ARV1: variants seen among roughly 807,000 people sequenced by gnomAD.
ARV1 encodes protein ARV1.
ARV1 carries 26 observed loss-of-function variants against 31.1 expected under a neutral mutation model. The ratio of observed to expected loss-of-function variants is 0.84; its 90% CI spans 0.61 to 1.16. The LOEUF (loss-of-function observed/expected upper bound fraction) is 1.16. Ranked by LOEUF, ARV1 falls within the 50% of genes most tolerant of loss-of-function variation. The pLI is 0.00. For missense variants in ARV1, 281 were observed against 324.9 expected (o/e 0.86, Z 1.04); for synonymous variants, 117 against 123.2 (o/e 0.95, Z 0.34).
intron 4 of ARV1, 139 bp from the exon 5 acceptor site, chr1:230,996,982 A>C: frequency 1.0e-6 from 1 of 987,610 alleles, no homozygotes; most frequent in Non-Finnish European, 1.5e-6. Flanking sequence ...AAGTGGGAGA[A>C]GGTAACAGCA....
chr1:230,996,052 G>A (rs1485466086), intron 4 of ARV1, 68 bp downstream of exon 4: 1 of 1,369,854 alleles, frequency 7.3e-7, no homozygotes, highest in Non-Finnish European at 1.0e-6. Flanking sequence ...CTTGTTTCTG[G>A]GGTGCAGTTT....
At chr1:230,984,157 G>A (rs1006122865) in intron 1 of ARV1, among the ~76,000 whole-genome samples, 34 of 152,146 alleles carry the variant, frequency 2.2e-4, no homozygotes, top group Admixed American at 7.2e-4. Context: ...GGTTGAGGTG[G>A]GAGGATCACT....
chr1:230,991,226 T>G (rs918921758), intron 3 of ARV1, among the ~76,000 whole-genome samples: 1 of 152,228 alleles, frequency 6.6e-6, no homozygotes, highest in African/African-American at 2.4e-5. Context: ...TAATGAAATC[T>G]TACTTTAGTA....
At chr1:230,985,294 C>T (rs1436754441) in intron 1 of ARV1, among the ~76,000 whole-genome samples, 2 of 152,178 alleles carry the variant, frequency 1.3e-5, no homozygotes, top group African/African-American at 4.8e-5. Flanking sequence ...TTTCATATCA[C>T]CCTGTGCTTA....
At chr1:230,984,699 G>T (rs892797366) in intron 1 of ARV1, among the ~76,000 whole-genome samples, 1 of 152,190 alleles carries the variant, frequency 6.6e-6, no homozygotes, top group African/African-American at 2.4e-5. Flanking sequence ...GTAAAAACAT[G>T]CAAGAATCAA....
At chr1:230,979,437 T>C (rs41307676) in intron 1 of ARV1, 158 bp downstream of exon 1, 1 of 828,236 alleles carries the variant, frequency 1.2e-6, no homozygotes, top group Non-Finnish European at 1.8e-6. Context: ...AGAACTCAGC[T>C]ACCCGACAGC....
intron 4 of ARV1, 103 bp downstream of exon 4, chr1:230,996,087 A>T (rs970901283): frequency 1.2e-6 from 1 of 868,440 alleles, no homozygotes; most frequent in African/African-American, 1.7e-5. Context: ...GAACACTGGA[A>T]TTCTTCATCG....
chr1:230,979,829 C>CA (rs142881829), intron 1 of ARV1, among the ~76,000 whole-genome samples: 3,820 of 152,268 alleles, frequency 0.025, 87 homozygotes, highest in Middle Eastern at 0.048. Context: ...TTTTCCATCT[C>CA]AGAGTTAAGG....
At chr1:230,983,407 C>T (rs990816397) in intron 1 of ARV1, among the ~76,000 whole-genome samples, 6 of 119,622 alleles carry the variant, frequency 5.0e-5, no homozygotes, top group Admixed American at 1.7e-4. Context: ...AGTGAGACTC[C>T]GTCTCAAAAA....
At chr1:230,983,525 T>C (rs1243078293) in intron 1 of ARV1, among the ~76,000 whole-genome samples, 5 of 151,184 alleles carry the variant, frequency 3.3e-5, no homozygotes, top group Admixed American at 3.3e-4. Context: ...CCTATAAGAG[T>C]CTCCTAAGTT....
At chr1:230,996,997 T>C in intron 4 of ARV1, 124 bp from the exon 5 acceptor site, 1 of 1,199,022 alleles carries the variant, frequency 8.3e-7, no homozygotes, top group South Asian at 1.5e-5. Flanking sequence ...ACAGCATAGA[T>C]TAATAAGAAC....
At chr1:230,986,706 T>TGA (rs1370860814) in intron 1 of ARV1, among the ~76,000 whole-genome samples, 31 of 84,624 alleles carry the variant, frequency 3.7e-4, no homozygotes, top group Middle Eastern at 0.012. Flanking sequence ...TTTTTTTTTT[T>TGA]GAGAGAGAGA....
At chr1:230,980,740 A>T (rs1678876562) in intron 1 of ARV1, among the ~76,000 whole-genome samples, 1 of 149,020 alleles carries the variant, frequency 6.7e-6, no homozygotes, top group Non-Finnish European at 1.5e-5. Flanking sequence ...TCCCACCAGC[A>T]TGCATACTGT....
intron 3 of ARV1, among the ~76,000 whole-genome samples, chr1:230,993,571 G>A (rs1679286787): frequency 6.6e-6 from 1 of 152,212 alleles, no homozygotes; most frequent in Admixed American, 6.5e-5. Context: ...ATGTGTCTTA[G>A]TCTAATCCCT....
At chr1:230,995,220 G>A (rs1679326649) in intron 3 of ARV1, among the ~76,000 whole-genome samples, 1 of 152,180 alleles carries the variant, frequency 6.6e-6, no homozygotes, top group Non-Finnish European at 1.5e-5. Context: ...ATACTTTCTG[G>A]AAGTGTAAGG....
At chr1:230,986,432 TA>T in intron 1 of ARV1, among the ~76,000 whole-genome samples, 1 of 152,246 alleles carries the variant, frequency 6.6e-6, no homozygotes, top group East Asian at 1.9e-4. Flanking sequence ...TTAATGTAAT[TA>T]AAAGGCCAGC....
chr1:230,997,388 A>G (rs1246186909), intron 5 of ARV1, 121 bp downstream of exon 5: 1 of 1,201,412 alleles, frequency 8.3e-7, no homozygotes, highest in Non-Finnish European at 1.2e-6. Context: ...AACTGCCTCT[A>G]GGTCACCCTC....
intron 2 of ARV1, 90 bp downstream of exon 2, chr1:230,988,529 T>C: frequency 8.6e-7 from 1 of 1,167,702 alleles, no homozygotes; most frequent in Non-Finnish European, 1.2e-6. Context: ...GTAAAGAATA[T>C]TATAAAAGAG....
intron 5 of ARV1, chr1:230,999,873 G>C (rs1014456601): frequency 2.0e-5 from 3 of 152,154 alleles, no homozygotes; most frequent in Admixed American, 6.5e-5. Flanking sequence ...TTATAGTTAG[G>C]AAAATAAGGT....
Sources: allele counts gnomAD v4.1 joint callset (sites outside exome capture counted in the v4.1 genomes callset), GRCh38; gene constraint gnomAD v4.1.1; transcripts MANE v1.5; gene names NCBI Gene and HGNC (gene_info 2026-07-23, HGNC 2026-07-21).